PLA2G4E: variants seen among roughly 807,000 people sequenced by gnomAD.
PLA2G4E encodes the protein cytosolic phospholipase A2 epsilon.
PLA2G4E carries 84 observed loss-of-function variants against 109.1 expected under a neutral mutation model. The ratio of observed to expected loss-of-function variants is 0.77; its 90% CI spans 0.65 to 0.92. The LOEUF (loss-of-function observed/expected upper bound fraction) is 0.92. Ranked by LOEUF, PLA2G4E falls within the 40% of genes least tolerant of loss-of-function variation. PLA2G4E has a pLI of 0.00. For missense variants in PLA2G4E, 1,057 were observed against 1,076.6 expected, an observed-to-expected ratio of 0.98 and a Z score of 0.25; for synonymous variants, 469 against 436.1, an observed-to-expected ratio of 1.08 and a Z score of -0.94.
intron 1 of PLA2G4E, among the ~76,000 whole-genome samples, chr15:42,026,888 G>A (rs73397840): frequency 0.015 from 2,298 of 151,572 alleles, 61 homozygotes; most frequent in African/African-American, 0.053. Flanking sequence ...TAAAAGAACC[G>A]CTTGAACCCA....
chr15:42,046,802 C>A (rs916691254), intron 1 of PLA2G4E, among the ~76,000 whole-genome samples: 2 of 152,140 alleles, frequency 1.3e-5, no homozygotes, highest in Non-Finnish European at 2.9e-5. Flanking sequence ...GGGAGTGTGA[C>A]AAGCCACATG....
chr15:42,000,944 G>A, intron 7 of PLA2G4E, among the ~76,000 whole-genome samples: 1 of 152,220 alleles, frequency 6.6e-6, no homozygotes, highest in East Asian at 1.9e-4. Context: ...CCAAGGTTAT[G>A]TGGGTGCTTG....
At chr15:42,001,510 G>A (rs2068419571) in intron 6 of PLA2G4E, among the ~76,000 whole-genome samples, 1 of 152,130 alleles carries the variant, frequency 6.6e-6, no homozygotes, top group South Asian at 2.1e-4. Flanking sequence ...CTGACCTGAG[G>A]GAATGTTCAG....
intron 1 of PLA2G4E, among the ~76,000 whole-genome samples, chr15:42,034,776 A>G (rs1889179267): frequency 6.6e-6 from 1 of 152,230 alleles, no homozygotes; most frequent in Non-Finnish European, 1.5e-5. Context: ...TGAGAGAAGG[A>G]GAAAAAAAGA....
rs1290074405 is a variant in PLA2G4E, at chr15:42,004,921, G to A, written c.566+17C>T. On this transcript the variant is annotated intron_variant, in intron 5 of 19. Transcript: ENST00000399518. ...TGGCCAGGACCTTGGTGGGCCCCGGGGCCTGGGCCTACTCACCTCTCCTCC... is the reference window on the plus strand; with the variant it reads ...TGGCCAGGACCTTGGTGGGCCCCGGAGCCTGGGCCTACTCACCTCTCCTCC... 1.9e-6 allele frequency: 3 copies of A among 1,612,500 alleles called. No individual in the cohort carries two copies. The highest frequency in any genetic ancestry group is 2.2e-5 in the East Asian group (1 of 44,860).
intron 1 of PLA2G4E, among the ~76,000 whole-genome samples, chr15:42,041,268 G>T (rs1423709198): frequency 6.6e-6 from 1 of 152,048 alleles, no homozygotes; most frequent in Non-Finnish European, 1.5e-5. Context: ...GTTGTTATTT[G>T]CCTGTTTGGT....
chr15:41,987,038 A>G, intron 17 of PLA2G4E, 134 bp downstream of exon 17: 1 of 899,634 alleles, frequency 1.1e-6, no homozygotes, highest in Non-Finnish European at 1.7e-6. Context: ...GGAAAACACC[A>G]TGGGGAGAGA....
At chr15:42,045,710 G>A (rs977828340) in intron 1 of PLA2G4E, among the ~76,000 whole-genome samples, 6 of 152,142 alleles carry the variant, frequency 3.9e-5, no homozygotes, top group Admixed American at 6.5e-5. Context: ...GGTGGAAAAC[G>A]GGAGAGCACA....
At chr15:42,034,455 A>C (rs2598466) in intron 1 of PLA2G4E, among the ~76,000 whole-genome samples, 125,653 of 152,120 alleles carry the variant, frequency 0.83, 52,234 homozygotes, top group South Asian at 0.95. Flanking sequence ...GGACACATGA[A>C]CCTAGAGTCC....
intron 12 of PLA2G4E, among the ~76,000 whole-genome samples, chr15:41,993,994 C>T (rs537328417): frequency 9.9e-5 from 15 of 152,116 alleles, no homozygotes; most frequent in Non-Finnish European, 1.5e-4. Context: ...CATAGTAGTC[C>T]GGGAGGACGC....
intron 1 of PLA2G4E, among the ~76,000 whole-genome samples, chr15:42,019,630 G>C (rs1363634509): frequency 2.0e-5 from 3 of 152,216 alleles, no homozygotes; most frequent in African/African-American, 7.2e-5. Flanking sequence ...GACTAGCCAG[G>C]TGCTGTCTTC....
chr15:42,024,481 C>T (rs1402957215), intron 1 of PLA2G4E, among the ~76,000 whole-genome samples: 2 of 152,220 alleles, frequency 1.3e-5, no homozygotes, highest in Admixed American at 6.5e-5. Flanking sequence ...TTACCTGACA[C>T]TTCAGATGGG....
At chr15:42,002,937 A>AT (rs1212714580) in intron 5 of PLA2G4E, among the ~76,000 whole-genome samples, 2 of 152,186 alleles carry the variant, frequency 1.3e-5, no homozygotes, top group East Asian at 3.8e-4. Flanking sequence ...GGAGAGTTCT[A>AT]TTTTTTTGAA....
chr15:42,007,828 G>C (rs765219983), exon 3 of PLA2G4E: 2 of 1,608,962 alleles, frequency 1.2e-6, no homozygotes, highest in Admixed American at 1.7e-5. Flanking sequence ...GAGAGGCGGT[G>C]GGCAGCCAGA....
At chr15:42,046,591 G>A (rs2141080351) in intron 1 of PLA2G4E, among the ~76,000 whole-genome samples, 1 of 152,278 alleles carries the variant, frequency 6.6e-6, no homozygotes, top group Admixed American at 6.5e-5. Flanking sequence ...TGTCCTAATA[G>A]CACCAATATC....
Position 42,002,264 on chromosome 15 carries a change from C to CAAAAAAAAAAAAAAAAAAA in PLA2G4E, c.609+371_609+389dup, listed in dbSNP as rs71108143. On this transcript the variant is annotated intron_variant, in intron 6 of 19. Transcript: ENST00000399518. ...TGGGCGACAGAGTGAGACCTTGTCT[C>CAAAAAAAAAAAAAAAAAAA]AAAAAAAAAAAAAAAAAAAAAAAGG... Among the ~76,000 whole-genome samples the CAAAAAAAAAAAAAAAAAAA allele has an allele frequency of 6.7e-4, 49 of 73,210 alleles. 2 individuals carry two copies. Among genetic ancestry groups the CAAAAAAAAAAAAAAAAAAA allele is most frequent in the African/African-American group, 3.0e-3 (49 of 16,174 alleles). The allele number at this position is 73,210 out of a possible 152,430, so 48.0% of individuals were successfully genotyped here. A position where few individuals can be genotyped will look rare whatever the true frequency, so the allele number is the denominator to read the frequency against.
At chr15:41,992,806 G>A (rs1189064508) in exon 13 of PLA2G4E, 1 of 1,613,824 alleles carries the variant, frequency 6.2e-7, no homozygotes. Flanking sequence ...AGCCTTCCTG[G>A]CTGCGCTGCC....
chr15:42,033,201 G>C (rs866381915), intron 1 of PLA2G4E, among the ~76,000 whole-genome samples: 5 of 152,142 alleles, frequency 3.3e-5, no homozygotes, highest in African/African-American at 1.2e-4. Flanking sequence ...ATAAAGTCCA[G>C]TTGCACCGAG....
chr15:41,996,466 G>A (rs902893869), intron 11 of PLA2G4E, among the ~76,000 whole-genome samples: 3 of 151,414 alleles, frequency 2.0e-5, no homozygotes, highest in East Asian at 2.0e-4. Context: ...TGGCTAAAGC[G>A]CTATTACAAG....
Sources: allele counts gnomAD v4.1 joint callset (sites outside exome capture counted in the v4.1 genomes callset), GRCh38; gene constraint gnomAD v4.1.1; transcripts MANE v1.5; gene names NCBI Gene and HGNC (gene_info 2026-07-23, HGNC 2026-07-21).